The following SLC4A8 variants were observed in gnomAD, a reference collection of about 807,000 sequenced individuals.
The protein encoded by SLC4A8 is solute carrier family 4 member 8, also known as electroneutral sodium bicarbonate exchanger 1.
In SLC4A8, 40 loss-of-function variants were observed where a neutral mutation model predicts 125.0. The observed-to-expected ratio is 0.32, with a 90% CI of 0.25 to 0.42. SLC4A8 has a LOEUF of 0.42. Among genes scored for constraint, SLC4A8 ranks in the 10% least tolerant of loss-of-function variants. The probability of loss-of-function intolerance (pLI) is 1.00; values close to 1 mark genes in which losing one functional copy is unlikely to be tolerated. For missense variants in SLC4A8, 863 were observed against 1,355.1 expected (o/e 0.64, Z 5.70); for synonymous variants, 456 against 476.0 (o/e 0.96, Z 0.55).
intron 1 of SLC4A8, among the ~76,000 whole-genome samples, chr12:51,417,681 C>A (rs561997138): frequency 6.6e-6 from 1 of 152,336 alleles, no homozygotes; most frequent in African/African-American, 2.4e-5. Flanking sequence ...CCACACCCAG[C>A]TAATTTTTGT....
intron 16 of SLC4A8, chr12:51,480,619 A>G: frequency 1.0e-6 from 1 of 985,610 alleles, no homozygotes; most frequent in Non-Finnish European, 1.2e-6. Flanking sequence ...AATGTGTCAA[A>G]ATTTGTATTT....
intron 19 of SLC4A8, among the ~76,000 whole-genome samples, chr12:51,490,782 G>A (rs932647390): frequency 1.3e-5 from 2 of 152,114 alleles, no homozygotes; most frequent in East Asian, 3.9e-4. Flanking sequence ...ATCATGTAGG[G>A]CCTTGTCGAC....
At chr12:51,416,807 A>G (rs1273153229) in intron 1 of SLC4A8, among the ~76,000 whole-genome samples, 1 of 152,170 alleles carries the variant, frequency 6.6e-6, no homozygotes, top group Non-Finnish European at 1.5e-5. Flanking sequence ...TGTAGACATC[A>G]TGGTACTCTA....
At chr12:51,446,645 TA>T (rs1565781810) in intron 2 of SLC4A8, among the ~76,000 whole-genome samples, 1 of 152,348 alleles carries the variant, frequency 6.6e-6, no homozygotes, top group East Asian at 1.9e-4. Flanking sequence ...GTTAGGACTT[TA>T]TCAACCTCCC....
intron 2 of SLC4A8, among the ~76,000 whole-genome samples, chr12:51,443,289 C>T (rs1003335478): frequency 2.0e-5 from 3 of 152,082 alleles, no homozygotes; most frequent in Admixed American, 6.6e-5. Context: ...GCCTGGCTAT[C>T]CTTACCCCAT....
intron 5 of SLC4A8, among the ~76,000 whole-genome samples, chr12:51,456,649 GA>G (rs1237477766): frequency 2.6e-5 from 4 of 152,166 alleles, no homozygotes; most frequent in Non-Finnish European, 1.5e-5. Flanking sequence ...CCTTGCTCAA[GA>G]TCACACAGCT....
At chr12:51,499,650 C>CACACAT (rs1166028560) in intron 22 of SLC4A8, among the ~76,000 whole-genome samples, 5 of 152,068 alleles carry the variant, frequency 3.3e-5, no homozygotes, top group Admixed American at 3.3e-4. Flanking sequence ...CACACACACA[C>CACACAT]ACACACACGT....
chr12:51,449,137 C>T (rs1212445599), intron 2 of SLC4A8, among the ~76,000 whole-genome samples: 1 of 152,070 alleles, frequency 6.6e-6, no homozygotes, highest in Non-Finnish European at 1.5e-5. Flanking sequence ...CATCTCTTCT[C>T]AGGAAAAACT....
At chr12:51,437,546 A>G (rs1949459429) in intron 1 of SLC4A8, among the ~76,000 whole-genome samples, 1 of 152,072 alleles carries the variant, frequency 6.6e-6, no homozygotes, top group Non-Finnish European at 1.5e-5. Flanking sequence ...CATATTATAC[A>G]CCAGCTTCCC....
At chr12:51,431,865 T>G (rs2138069148) in intron 1 of SLC4A8, among the ~76,000 whole-genome samples, 1 of 152,294 alleles carries the variant, frequency 6.6e-6, no homozygotes, top group East Asian at 1.9e-4. Flanking sequence ...TCTTAAGCTA[T>G]TCTTACTGTG....
At chr12:51,452,324 G>A (rs1258950706) in intron 4 of SLC4A8, 65 bp downstream of exon 4, 5 of 1,562,394 alleles carry the variant, frequency 3.2e-6, no homozygotes, top group Admixed American at 1.7e-5. Flanking sequence ...CCTTCAGCAA[G>A]TGACAGGCCT....
At chr12:51,505,777 C>T (rs1938141578) in intron 23 of SLC4A8, 58 bp from the exon 24 acceptor site, 2 of 770,826 alleles carry the variant, frequency 2.6e-6, no homozygotes, top group Admixed American at 2.2e-5. Context: ...TCATTATAGA[C>T]TGTGGTATGT....
intron 1 of SLC4A8, among the ~76,000 whole-genome samples, chr12:51,434,305 C>A (rs1453770618): frequency 6.6e-6 from 1 of 152,126 alleles, no homozygotes; most frequent in East Asian, 1.9e-4. Context: ...TGCCAAAACA[C>A]ACGAGATTAT....
chr12:51,501,667 T>A (rs1328635718), intron 22 of SLC4A8, among the ~76,000 whole-genome samples: 2 of 152,240 alleles, frequency 1.3e-5, no homozygotes, highest in African/African-American at 4.8e-5. Context: ...TTTGGGTATA[T>A]ACCAAGTAAT....
At chr12:51,434,623 C>T (rs1475978004) in intron 1 of SLC4A8, among the ~76,000 whole-genome samples, 12 of 152,130 alleles carry the variant, frequency 7.9e-5, no homozygotes, top group Admixed American at 7.9e-4. Flanking sequence ...CTGAATTTTT[C>T]AGATGATTGA....
chr12:51,454,306 T>A (rs1011398102), intron 5 of SLC4A8, among the ~76,000 whole-genome samples: 34 of 152,030 alleles, frequency 2.2e-4, no homozygotes, highest in Admixed American at 2.0e-3. Context: ...GGGTTGCCCC[T>A]ACACACCTGT....
chr12:51,461,096 T>A, intron 8 of SLC4A8, 108 bp from the exon 9 acceptor site: 1 of 540,888 alleles, frequency 1.8e-6, no homozygotes, highest in Non-Finnish European at 3.3e-6. Context: ...GAAGGTACAG[T>A]GATGATTTAT....
At chr12:51,490,562 CAAAAAA>C (rs767679317) in intron 19 of SLC4A8, among the ~76,000 whole-genome samples, 2 of 37,568 alleles carry the variant, frequency 5.3e-5, no homozygotes, top group East Asian at 7.8e-4. Flanking sequence ...GACTCCATCT[CAAAAAA>C]AAAAAAAAAA....
chr12:51,483,802 A>G (rs1392495235), intron 16 of SLC4A8, among the ~76,000 whole-genome samples: 2 of 151,962 alleles, frequency 1.3e-5, no homozygotes, highest in Admixed American at 6.6e-5. Context: ...GGTTTGTTAC[A>G]TATGTATACA....
Sources: gnomAD v4.1 joint callset for allele counts (sites outside exome capture counted in the v4.1 genomes callset) on GRCh38, gnomAD v4.1.1 for gene constraint, MANE v1.5 for transcripts, NCBI Gene and HGNC (gene_info 2026-07-23, HGNC 2026-07-21) for gene names.